Variants in EXT1 observed in about 807,000 individuals in gnomAD.
EXT1 encodes the protein exostosin-1.
In EXT1, 20 loss-of-function variants were observed where a neutral mutation model predicts 82.5. The ratio of observed to expected loss-of-function variants is 0.24; its 90% CI spans 0.17 to 0.35. EXT1 has a LOEUF of 0.35. Ranked by LOEUF, EXT1 falls within the 10% of genes least tolerant of loss-of-function variation. EXT1 has a pLI of 1.00. For missense variants in EXT1, 757 were observed against 936.5 expected, an observed-to-expected ratio of 0.81 and a Z score of 2.50; for synonymous variants, 348 against 350.8, an observed-to-expected ratio of 0.99 and a Z score of 0.09.
chr8:118,078,786 C>G (rs1427775207), intron 1 of EXT1, among the ~76,000 whole-genome samples: 1 of 151,594 alleles, frequency 6.6e-6, no homozygotes, highest in East Asian at 1.9e-4. Context: ...TAAGGAAAAC[C>G]AAGAGTGAGA....
chr8:117,923,284 G>T (rs1172094607), intron 1 of EXT1, among the ~76,000 whole-genome samples: 1 of 152,136 alleles, frequency 6.6e-6, no homozygotes, highest in Non-Finnish European at 1.5e-5. Context: ...TTGTACCACT[G>T]CACTCCAGCC....
chr8:117,988,223 C>T (rs1243152461), intron 1 of EXT1, among the ~76,000 whole-genome samples: 7 of 152,146 alleles, frequency 4.6e-5, no homozygotes, highest in South Asian at 2.1e-4. Flanking sequence ...AGGAATAATT[C>T]GGTTATTGCA....
chr8:117,824,649 G>A (rs893233297), intron 4 of EXT1, among the ~76,000 whole-genome samples: 3 of 152,148 alleles, frequency 2.0e-5, no homozygotes, highest in Middle Eastern at 3.4e-3. Flanking sequence ...TCCTGTGTTC[G>A]TTTTCTAGGC....
chr8:118,036,613 A>G (rs1375659231), intron 1 of EXT1, among the ~76,000 whole-genome samples: 1 of 152,100 alleles, frequency 6.6e-6, no homozygotes, highest in Non-Finnish European at 1.5e-5. Flanking sequence ...TATTCTAGTA[A>G]TGTTTCCGTT....
At chr8:118,061,945 G>T (rs1816887968) in intron 1 of EXT1, among the ~76,000 whole-genome samples, 1 of 152,080 alleles carries the variant, frequency 6.6e-6, no homozygotes, top group Admixed American at 6.5e-5. Context: ...AAGATGCTTT[G>T]ACTGAATCTC....
At chr8:117,867,260 G>GAAAAAAAAAAAAAAAAAAAAA (rs372575361) in intron 1 of EXT1, among the ~76,000 whole-genome samples, 8 of 98,896 alleles carry the variant, frequency 8.1e-5, no homozygotes, top group African/African-American at 2.4e-4. Context: ...CTCCACCTCA[G>GAAAAAAAAAAAAAAAAAAAAA]AAAAAAAAAA....
chr8:117,907,528 T>TTGAGCA (rs1327031141), intron 1 of EXT1, among the ~76,000 whole-genome samples: 1 of 152,190 alleles, frequency 6.6e-6, no homozygotes, highest in Non-Finnish European at 1.5e-5. Flanking sequence ...CTGCTTACTG[T>TTGAGCA]TGAGCACGCT....
chr8:117,908,525 G>T (rs113034806), intron 1 of EXT1, among the ~76,000 whole-genome samples: 7 of 151,960 alleles, frequency 4.6e-5, no homozygotes, highest in Admixed American at 6.5e-5. Context: ...AGCTACTCAG[G>T]AGGCTGAGGC....
At chr8:118,032,129 G>A (rs1345333803) in intron 1 of EXT1, among the ~76,000 whole-genome samples, 2 of 139,216 alleles carry the variant, frequency 1.4e-5, no homozygotes, top group African/African-American at 2.6e-5. Context: ...ATTACTCAAT[G>A]GCCAAAACCG....
chr8:117,972,011 G>A (rs1272908732), intron 1 of EXT1, among the ~76,000 whole-genome samples: 5 of 151,994 alleles, frequency 3.3e-5, no homozygotes, highest in Non-Finnish European at 7.4e-5. Context: ...TTAGCCGAGC[G>A]TGGTGGCGCA....
intron 1 of EXT1, among the ~76,000 whole-genome samples, chr8:118,102,199 G>A (rs563830979): frequency 5.3e-5 from 8 of 152,062 alleles, no homozygotes; most frequent in Non-Finnish European, 7.4e-5. Context: ...CCCAGGAAGC[G>A]AAGGTTGCAG....
chr8:117,809,241 ATATT>A (rs1269272906), intron 8 of EXT1, among the ~76,000 whole-genome samples: 2 of 128,060 alleles, frequency 1.6e-5, no homozygotes, highest in African/African-American at 5.4e-5. Flanking sequence ...ATATATATAT[ATATT>A]ATGTTCTATT....
intron 1 of EXT1, among the ~76,000 whole-genome samples, chr8:118,066,075 A>G (rs1454098130): frequency 1.3e-5 from 2 of 152,208 alleles, no homozygotes; most frequent in Admixed American, 1.3e-4. Flanking sequence ...AACTGTAGAG[A>G]TATGAGTTAA....
intron 1 of EXT1, among the ~76,000 whole-genome samples, chr8:118,064,058 G>A (rs1228863440): frequency 3.3e-5 from 5 of 152,110 alleles, no homozygotes; most frequent in Admixed American, 2.6e-4. Flanking sequence ...TAGAGATGGG[G>A]TTTCACTGTT....
intron 1 of EXT1, among the ~76,000 whole-genome samples, chr8:118,043,892 G>T (rs1816577482): frequency 6.6e-6 from 1 of 152,162 alleles, no homozygotes; most frequent in Non-Finnish European, 1.5e-5. Context: ...AAATTTCCAA[G>T]AAATACCATC....
chr8:118,095,218 C>T (rs1222461395), intron 1 of EXT1, among the ~76,000 whole-genome samples: 3 of 152,168 alleles, frequency 2.0e-5, no homozygotes, highest in African/African-American at 7.2e-5. Flanking sequence ...ACATCTAATC[C>T]TTTTGCCCTC....
At chr8:118,072,814 G>A (rs1044436535) in intron 1 of EXT1, among the ~76,000 whole-genome samples, 2 of 152,176 alleles carry the variant, frequency 1.3e-5, no homozygotes, top group African/African-American at 2.4e-5. Flanking sequence ...TCAGTTTCAA[G>A]GCATGATAAA....
At chr8:117,987,908 C>T (rs554726648) in intron 1 of EXT1, among the ~76,000 whole-genome samples, 3 of 152,158 alleles carry the variant, frequency 2.0e-5, no homozygotes, top group East Asian at 3.9e-4. Context: ...GGCAACATAG[C>T]AAAATCTCGT....
chr8:117,840,284 C>G (rs1185625366), intron 1 of EXT1, among the ~76,000 whole-genome samples: 1 of 152,030 alleles, frequency 6.6e-6, no homozygotes, highest in Non-Finnish European at 1.5e-5. Flanking sequence ...CTCCATCCCC[C>G]CAGGTCCCAT....
Sources: allele counts gnomAD v4.1 joint callset (sites outside exome capture counted in the v4.1 genomes callset), GRCh38; gene constraint gnomAD v4.1.1; transcripts MANE v1.5; gene names NCBI Gene and HGNC (gene_info 2026-07-23, HGNC 2026-07-21).